Variants in NEMP1 observed in about 807,000 individuals in gnomAD.
The protein encoded by NEMP1 is nuclear envelope integral membrane protein 1, also known as transmembrane protein 194.
In NEMP1, 29 loss-of-function variants were observed where a neutral mutation model predicts 53.7. The ratio of observed to expected loss-of-function variants is 0.54; its 90% CI spans 0.40 to 0.74. NEMP1 has a LOEUF of 0.74. NEMP1 is among the 30% of genes least tolerant of loss of function. The pLI, the probability that NEMP1 is intolerant of heterozygous loss-of-function variation, is 0.00. For missense variants in NEMP1, 477 were observed against 528.6 expected (o/e 0.90, Z 0.96); for synonymous variants, 193 against 192.9 (o/e 1.00, Z 0.00).
At chr12:57,063,467 T>A in intron 6 of NEMP1, 123 bp from the exon 7 acceptor site, 1 of 743,544 alleles carries the variant, frequency 1.3e-6, no homozygotes, top group Non-Finnish European at 2.2e-6. Context: ...GATTTTTACT[T>A]AATTTTTCAC....
intron 1 of NEMP1, among the ~76,000 whole-genome samples, chr12:57,074,438 T>A (rs2032506745): frequency 6.6e-6 from 1 of 152,004 alleles, no homozygotes; most frequent in Non-Finnish European, 1.5e-5. Flanking sequence ...ATTACAGGCA[T>A]GAGCCAACTC....
At chr12:57,082,850 A>G (rs1314254363), upstream of NEMP1, among the ~76,000 whole-genome samples, 1 of 151,704 alleles carries the variant, frequency 6.6e-6, no homozygotes, top group Non-Finnish European at 1.5e-5. Flanking sequence ...CGTCTCTACA[A>G]AGAATACAAA....
At chr12:57,073,052 GAGA>G (rs746378256) in intron 1 of NEMP1, 140 bp from the exon 2 acceptor site, 141 of 635,012 alleles carry the variant, frequency 2.2e-4, no homozygotes, top group African/African-American at 1.8e-4. Flanking sequence ...AAAAAAAACT[GAGA>G]AGAAGGAAGA....
Position 57,073,258 on chromosome 12 carries a change from G to A in NEMP1, c.128-346C>T, listed in dbSNP as rs566717119. Among the ~76,000 whole-genome samples the A allele has an allele frequency of 4.2e-4, 63 of 151,360 alleles. No homozygotes were observed. In the South Asian group the frequency reaches 0.012, roughly 28 times the overall value. ...TGCAAGCTCCGCCCCCTGGGTTCAC[G>A]CCATTCTCCTGCCTCAGCCTGTAGC... On this transcript the variant is annotated intron_variant, in intron 1 of 8. Transcript: ENST00000300128.
chr12:57,070,291 G>A (rs1285040328), intron 3 of NEMP1, among the ~76,000 whole-genome samples: 1 of 152,182 alleles, frequency 6.6e-6, no homozygotes, highest in Non-Finnish European at 1.5e-5. Flanking sequence ...GTCTTTAAAT[G>A]TAGGCATGTA....
chr12:57,085,170 A>ATTTTTG (rs546689540), intron 1 of NEMP1, among the ~76,000 whole-genome samples: 1 of 152,036 alleles, frequency 6.6e-6, no homozygotes, highest in African/African-American at 2.4e-5. Context: ...TCCTCCTAGA[A>ATTTTTG]TTTTTGTTTT....
intron 2 of NEMP1, among the ~76,000 whole-genome samples, chr12:57,072,324 C>G (rs1469985993): frequency 4.6e-5 from 7 of 152,140 alleles, no homozygotes; most frequent in Non-Finnish European, 1.0e-4. Context: ...CCTGTAATCC[C>G]AGCTACTTGG....
At position 57,063,143 on chromosome 12, in the gene NEMP1, A is replaced by G. The variant is rs1327162074; in HGVS notation, c.956T>C (p.Ile319Thr). 6.2e-7 allele frequency: 1 copy of G among 1,613,932 alleles called. No individual in the cohort carries two copies. The highest frequency in any genetic ancestry group is 1.7e-5 in the Admixed American group (1 of 60,022). ...ALCTKNLEHP[I>T]QWLYITCRKV... ...CCTGCAGGTGATGTACAGCCACTGA[A>G]TAGGGTGTTCCAGGTTCTTAGTACA... Residue 319 changes from isoleucine to threonine, a missense_variant, in exon 7 of 9, where the codon ATT (isoleucine) becomes ACT (threonine). Coordinates refer to ENST00000300128, the MANE Select transcript of NEMP1 (RefSeq NM_001130963.2).
chr12:57,055,974 T>C lies in NEMP1; in HGVS notation c.*3905A>G, dbSNP rs1466307878. On this transcript the variant is annotated 3_prime_UTR_variant, in exon 9 of 9. Transcript: ENST00000300128. ...AATATTCACATTATGAACTATTTGT[T>C]ATGTTGTCATAAGAATGTGCTCATG... is the stretch of plus-strand genomic sequence containing the variant. 1 of 152,254 alleles carries C rather than the reference T, an allele frequency of 6.6e-6. No individual in the cohort carries two copies. Among genetic ancestry groups the C allele is most frequent in the Non-Finnish European group, 1.5e-5 (1 of 68,040 alleles). The allele number at this position is 152,254 out of a possible 1,614,324, so 9.4% of individuals were successfully genotyped here. A position where few individuals can be genotyped will look rare whatever the true frequency, so the allele number is the denominator to read the frequency against.
chr12:57,064,645 C>G lies in NEMP1; in HGVS notation c.639+1G>C. On this transcript the variant is annotated splice_donor_variant, in intron 5 of 8. Coordinates refer to ENST00000300128, the MANE Select transcript of NEMP1 (RefSeq NM_001130963.2). LOFTEE classifies it high-confidence loss of function. The stretch of plus-strand genomic sequence containing the variant: ...CTGCACATGAAGATTCTGATACTTA[C>G]CTTAGGCATAAACTTAGATAGTATA... The G allele has an allele frequency of 1.2e-6, 2 of 1,603,562 alleles. No individual in the cohort carries two copies. The highest frequency in any genetic ancestry group is 1.7e-6 in the Non-Finnish European group (2 of 1,173,208).
chr12:57,088,339 G>A (rs1319036968), upstream of NEMP1, among the ~76,000 whole-genome samples: 1 of 152,202 alleles, frequency 6.6e-6, no homozygotes, highest in Non-Finnish European at 1.5e-5. Context: ...GGGTTTCTGA[G>A]AGCGACCCCC....
intron 4 of NEMP1, among the ~76,000 whole-genome samples, chr12:57,068,005 A>G (rs962578503): frequency 6.6e-6 from 1 of 152,094 alleles, no homozygotes; most frequent in East Asian, 1.9e-4. Flanking sequence ...TCTTGGGCTC[A>G]AGTTATCCTC....
At position 57,059,458 on chromosome 12, in the gene NEMP1, G is replaced by C. The variant is rs985786832; in HGVS notation, c.*421C>G. On this transcript the variant is annotated 3_prime_UTR_variant, in exon 9 of 9. Coordinates refer to ENST00000300128, the MANE Select transcript of NEMP1 (RefSeq NM_001130963.2). ...GGAGTGAAGGAGGCTCAGATTTGTGGATTTCTCTCTGGAAGTTGCAGCCTA... is the reference window on the plus strand; with the variant it reads ...GGAGTGAAGGAGGCTCAGATTTGTGCATTTCTCTCTGGAAGTTGCAGCCTA... The C allele has an allele frequency of 6.4e-6, 1 of 155,086 alleles. No homozygotes were observed. The highest frequency in any genetic ancestry group is 1.4e-5 in the Non-Finnish European group (1 of 70,138). The allele number at this position is 155,086 out of a possible 1,614,324, so 9.6% of individuals were successfully genotyped here. A position where few individuals can be genotyped will look rare whatever the true frequency, so the allele number is the denominator to read the frequency against.
chr12:57,062,297 T>C (rs898676507), intron 7 of NEMP1, among the ~76,000 whole-genome samples: 2 of 137,476 alleles, frequency 1.5e-5, no homozygotes, highest in Non-Finnish European at 3.1e-5. Flanking sequence ...CTGGCCAACA[T>C]GGTGAAACCA....
upstream of NEMP1, among the ~76,000 whole-genome samples, chr12:57,080,642 C>A (rs2032821349): frequency 6.7e-6 from 1 of 149,612 alleles, no homozygotes; most frequent in African/African-American, 2.5e-5. Flanking sequence ...GTAATCCCAG[C>A]ACTTTTGGGA....
At chr12:57,073,912 G>C (rs1479491286) in intron 1 of NEMP1, among the ~76,000 whole-genome samples, 3 of 152,094 alleles carry the variant, frequency 2.0e-5, no homozygotes, top group Non-Finnish European at 4.4e-5. Context: ...TACTCCATCT[G>C]TTGATTTTCT....
chr12:57,070,571 C>T, intron 3 of NEMP1, 103 bp downstream of exon 3: 1 of 952,874 alleles, frequency 1.0e-6, no homozygotes, highest in Non-Finnish European at 1.6e-6. Flanking sequence ...CAGAACCCAA[C>T]TGGAGCTGTC....
chr12:57,081,269 G>A (rs928897508), upstream of NEMP1, among the ~76,000 whole-genome samples: 1 of 152,102 alleles, frequency 6.6e-6, no homozygotes, highest in African/African-American at 2.4e-5. Flanking sequence ...TTGAGACAGA[G>A]TTTCACTCTT....
chr12:57,085,314 T>C (rs1235449623), intron 1 of NEMP1, among the ~76,000 whole-genome samples: 4 of 152,260 alleles, frequency 2.6e-5, no homozygotes, highest in Admixed American at 2.6e-4. Flanking sequence ...TGAAGTGCTA[T>C]GATTACAGGT....
Sources: allele counts gnomAD v4.1 joint callset (sites outside exome capture counted in the v4.1 genomes callset), GRCh38; gene constraint gnomAD v4.1.1; transcripts MANE v1.5; gene names NCBI Gene and HGNC (gene_info 2026-07-23, HGNC 2026-07-21).